PICALM: variants seen among roughly 807,000 people sequenced by gnomAD.
PICALM encodes phosphatidylinositol-binding clathrin assembly protein.
A neutral mutation model predicts 80.5 loss-of-function variants in PICALM; 40 were observed. That is an observed-to-expected ratio of 0.50 (90% CI 0.39 to 0.65). The LOEUF is 0.65. Among genes scored for constraint, PICALM ranks in the 30% least tolerant of loss-of-function variants. The pLI is 0.00. For synonymous variants in PICALM, 288 were observed against 260.3 expected, an observed-to-expected ratio of 1.11 and a Z score of -1.02; for missense variants, 676 against 778.9, an observed-to-expected ratio of 0.87 and a Z score of 1.57.
Position 85,984,543 on chromosome 11 carries a change from A to G in PICALM, c.1409-570T>C, listed in dbSNP as rs538663892. On this transcript the variant is annotated intron_variant, in intron 13 of 19. Transcript: ENST00000393346. ...CTAATCCTTATGTCCACCTGTATCC[A>G]TATGCTTTTAAAACATCAAAGAAAA... 1.9e-3 allele frequency among the ~76,000 whole-genome samples: 284 copies of G among 152,292 alleles called. 1 individual carries two copies. Among genetic ancestry groups the G allele is most frequent in the African/African-American group, 6.4e-3 (266 of 41,566 alleles).
At chr11:85,984,026 C>T (rs935677591) in intron 13 of PICALM, 53 bp from the exon 14 acceptor site, 135 of 779,132 alleles carry the variant, frequency 1.7e-4, no homozygotes, top group Middle Eastern at 4.5e-4. Flanking sequence ...TCTACATTTA[C>T]GACTATTTAA....
chr11:86,038,974 G>T (rs931636343), intron 1 of PICALM, among the ~76,000 whole-genome samples: 2 of 151,968 alleles, frequency 1.3e-5, no homozygotes, highest in Admixed American at 6.6e-5. Flanking sequence ...GCTGGACGTG[G>T]TGACAACACG....
At chr11:86,067,184 A>G (rs1414849688) in intron 1 of PICALM, among the ~76,000 whole-genome samples, 1 of 152,176 alleles carries the variant, frequency 6.6e-6, no homozygotes, top group African/African-American at 2.4e-5. Context: ...CATTTTTTTT[A>G]AAGTGCAAAC....
chr11:86,013,570 A>G (rs919328650), intron 5 of PICALM, among the ~76,000 whole-genome samples: 3 of 152,160 alleles, frequency 2.0e-5, no homozygotes, highest in African/African-American at 7.2e-5. Context: ...GGATAAAAAA[A>G]CAGAATAAAC....
chr11:85,988,611 GAGGGGA>G (rs1233755089), intron 13 of PICALM, among the ~76,000 whole-genome samples: 2 of 151,978 alleles, frequency 1.3e-5, no homozygotes, highest in African/African-American at 4.8e-5. Flanking sequence ...GGGAGAAAAA[GAGGGGA>G]AGGGGAAGGA....
intron 1 of PICALM, among the ~76,000 whole-genome samples, chr11:86,042,539 G>C (rs1312469781): frequency 6.6e-6 from 1 of 151,068 alleles, no homozygotes; most frequent in African/African-American, 2.4e-5. Flanking sequence ...CTATAGGAAA[G>C]AAAACATATT....
chr11:85,981,033 C>A, intron 17 of PICALM, 96 bp downstream of exon 17: 1 of 675,336 alleles, frequency 1.5e-6, no homozygotes, highest in South Asian at 1.8e-5. Context: ...CAGTAACAAT[C>A]CTTCTATTTA....
rs144150222 is a variant in PICALM, at chr11:86,030,324, C to T, written c.273+1145G>A. Among the ~76,000 whole-genome samples the T allele has an allele frequency of 2.2e-3, 341 of 152,252 alleles. 4 individuals carry two copies. Among genetic ancestry groups the T allele is most frequent in the African/African-American group, 7.8e-3 (326 of 41,548 alleles). On this transcript the variant is annotated intron_variant, in intron 2 of 19. Transcript: ENST00000393346. ...GCTTTAATTTTGAACTTTAATAATG[C>T]TATATTGGTAGTTGTCAAAAAATAG... is the stretch of plus-strand genomic sequence containing the variant.
intron 19 of PICALM, among the ~76,000 whole-genome samples, chr11:85,965,551 T>G (rs185146355): frequency 6.6e-6 from 1 of 152,284 alleles, no homozygotes; most frequent in East Asian, 1.9e-4. Context: ...GGATATAAAT[T>G]ATACAGTGCT....
chr11:86,054,415 TATC>T (rs996720796), intron 1 of PICALM, among the ~76,000 whole-genome samples: 8 of 152,228 alleles, frequency 5.3e-5, no homozygotes, highest in African/African-American at 1.7e-4. Context: ...GCCCAGAGTT[TATC>T]AAGACAAGTC....
intron 1 of PICALM, among the ~76,000 whole-genome samples, chr11:86,068,046 G>A (rs186779393): frequency 6.6e-6 from 1 of 152,348 alleles, no homozygotes; most frequent in East Asian, 1.9e-4. Context: ...CTACACTGAA[G>A]CTACTATAGA....
At chr11:85,983,128 T>C (rs1372243755) in intron 14 of PICALM, among the ~76,000 whole-genome samples, 1 of 152,216 alleles carries the variant, frequency 6.6e-6, no homozygotes, top group Non-Finnish European at 1.5e-5. Flanking sequence ...TTCTTAGTTT[T>C]TGAAGGATAA....
At position 86,022,245 on chromosome 11, in the gene PICALM, A is replaced by G; in HGVS notation, c.452+122T>C. On this transcript the variant is annotated intron_variant, in intron 4 of 19. Coordinates refer to ENST00000393346, the MANE Select transcript of PICALM (RefSeq NM_007166.4). ...AAAAAGTACTTGATATACCTCATCA[A>G]AGAAAAATGAGGCTCATCTTTTAAA... 9.9e-6 allele frequency: 6 copies of G among 605,402 alleles called. No individual in the cohort carries two copies. In the South Asian group the frequency reaches 1.0e-4, roughly 10 times the overall value. 37.5% of individuals were successfully genotyped at this position (605,402 alleles called of 1,614,324 possible).
At position 85,981,764 on chromosome 11, in the gene PICALM, C is replaced by T. The variant is rs775411805; in HGVS notation, c.1660G>A (p.Gly554Arg). ...LANLVGNLGI[G>R]NGTTKNDVNW... Reference sequence around the variant, plus strand: ...ACTCACTTCTTAGTGGTTCCATTTCCGATGCCAAGATCTAGGAAAGGAGAA... The same window carrying T: ...ACTCACTTCTTAGTGGTTCCATTTCTGATGCCAAGATCTAGGAAAGGAGAA... The change falls in exon 16 of 20, where the codon GGA becomes AGA. Residue 554 changes from glycine (G) to arginine (R), a missense_variant. By Grantham distance (125) the Gly-to-Arg change is moderately radical (BLOSUM62 -2). Around this residue, in one of 2 missense-constraint regions of PICALM, gnomAD observed 391 missense variants for 383.6 expected, o/e 1.02. Transcript: ENST00000393346. 12 of 1,611,992 alleles carry T rather than the reference C, an allele frequency of 7.4e-6. No homozygotes were observed. Among genetic ancestry groups the T allele is most frequent in the African/African-American group, 4.0e-5 (3 of 74,848 alleles).
chr11:86,032,845 T>C (rs573374541), intron 1 of PICALM, among the ~76,000 whole-genome samples: 4 of 152,322 alleles, frequency 2.6e-5, no homozygotes, highest in East Asian at 1.9e-4. Flanking sequence ...TTGGCCTTGA[T>C]TGCTAGCAAG....
intron 13 of PICALM, among the ~76,000 whole-genome samples, chr11:85,985,570 C>T (rs888714769): frequency 2.0e-5 from 3 of 152,138 alleles, no homozygotes; most frequent in African/African-American, 7.2e-5. Flanking sequence ...GACTATTCAT[C>T]AAAAGGATCT....
chr11:86,019,150 A>C (rs929862018), intron 4 of PICALM, among the ~76,000 whole-genome samples: 1 of 152,204 alleles, frequency 6.6e-6, no homozygotes, highest in African/African-American at 2.4e-5. Context: ...AATCTTAATA[A>C]ATCAAACTTT....
chr11:86,064,431 G>A (rs1376745702), intron 1 of PICALM, among the ~76,000 whole-genome samples: 1 of 152,142 alleles, frequency 6.6e-6, no homozygotes, highest in Non-Finnish European at 1.5e-5. Flanking sequence ...AGGCTCAGCT[G>A]GTAGAGAGGA....
intron 13 of PICALM, among the ~76,000 whole-genome samples, chr11:85,987,618 C>T (rs907727322): frequency 2.0e-5 from 3 of 151,990 alleles, no homozygotes; most frequent in African/African-American, 7.3e-5. Flanking sequence ...TGATGTGGTC[C>T]ACATATACAA....
Sources: gnomAD v4.1 joint callset for allele counts (sites outside exome capture counted in the v4.1 genomes callset) on GRCh38, gnomAD v4.1.1 for gene constraint, gnomAD v4.1.1 regional missense constraint, MANE v1.5 for transcripts, NCBI Gene and HGNC (gene_info 2026-07-23, HGNC 2026-07-21) for gene names.